FANCC: variants seen among roughly 807,000 people sequenced by gnomAD.
FANCC encodes the protein Fanconi anemia group C protein.
FANCC carries 55 observed loss-of-function variants against 71.3 expected under a neutral mutation model. The ratio of observed to expected loss-of-function variants is 0.77; its 90% CI spans 0.62 to 0.97. The LOEUF (loss-of-function observed/expected upper bound fraction) is 0.97. Ranked by LOEUF, FANCC falls within the 50% of genes least tolerant of loss-of-function variation. The pLI, the probability that FANCC is intolerant of heterozygous loss-of-function variation, is 0.00. For synonymous variants in FANCC, 275 were observed against 244.9 expected, an observed-to-expected ratio of 1.12 and a Z score of -1.15; for missense variants, 678 against 670.9, an observed-to-expected ratio of 1.01 and a Z score of -0.12.
chr9:95,255,248 T>C (rs1831588536), intron 1 of FANCC, among the ~76,000 whole-genome samples: 1 of 152,120 alleles, frequency 6.6e-6, no homozygotes, highest in Admixed American at 6.5e-5. Flanking sequence ...CTGACCCGCA[T>C]GCCTCCTGAC....
chr9:95,204,127 T>C (rs886460025), intron 4 of FANCC, among the ~76,000 whole-genome samples: 4 of 152,230 alleles, frequency 2.6e-5, no homozygotes, highest in African/African-American at 9.6e-5. Context: ...GTGTTCTTTA[T>C]AGACAAAAGG....
At chr9:95,140,936 C>A (rs527255726) in intron 7 of FANCC, among the ~76,000 whole-genome samples, 1 of 152,146 alleles carries the variant, frequency 6.6e-6, no homozygotes. Flanking sequence ...GGCAATTACA[C>A]GTCAATATAA....
chr9:95,209,932 C>T (rs1828386333), intron 4 of FANCC, among the ~76,000 whole-genome samples: 1 of 152,030 alleles, frequency 6.6e-6, no homozygotes, highest in Admixed American at 6.6e-5. Flanking sequence ...ACATGTATAC[C>T]AGGAAATATG....
At chr9:95,232,384 T>C (rs1293956974) in intron 4 of FANCC, among the ~76,000 whole-genome samples, 2 of 152,166 alleles carry the variant, frequency 1.3e-5, no homozygotes, top group African/African-American at 4.8e-5. Context: ...ACTTCAGGAT[T>C]GTGCAAAGGA....
At position 95,177,829 on chromosome 9, in the gene FANCC, C is replaced by T. The variant is rs1164127223; in HGVS notation, c.346-5682G>A. ...CATGTGGCCAGGACAGCAAATCAAGCATTCAAGCTCCAGGCAAGAGGTCTT... is the reference window on the plus strand; with the variant it reads ...CATGTGGCCAGGACAGCAAATCAAGTATTCAAGCTCCAGGCAAGAGGTCTT... On this transcript the variant is annotated intron_variant, in intron 4 of 14. Transcript: ENST00000289081. Among the ~76,000 whole-genome samples the T allele has an allele frequency of 4.6e-5, 7 of 152,270 alleles. No homozygotes were observed. In the East Asian group the frequency reaches 1.2e-3, roughly 25 times the overall value.
intron 4 of FANCC, among the ~76,000 whole-genome samples, chr9:95,208,652 A>G (rs1421002850): frequency 6.6e-6 from 1 of 152,222 alleles, no homozygotes. Context: ...GCTGCACATT[A>G]TATGTCCTCA....
intron 8 of FANCC, among the ~76,000 whole-genome samples, chr9:95,129,238 T>A (rs553235543): frequency 1.3e-5 from 2 of 152,312 alleles, no homozygotes; most frequent in East Asian, 3.9e-4. Context: ...TGACACTCTT[T>A]ATACTTTTTG....
intron 3 of FANCC, among the ~76,000 whole-genome samples, chr9:95,241,025 C>T (rs1426884843): frequency 6.6e-6 from 1 of 152,198 alleles, no homozygotes; most frequent in Non-Finnish European, 1.5e-5. Context: ...GATCACTTAA[C>T]TCTTGTGTGG....
intron 4 of FANCC, among the ~76,000 whole-genome samples, chr9:95,197,380 A>G (rs1447317671): frequency 6.6e-6 from 1 of 152,114 alleles, no homozygotes; most frequent in Non-Finnish European, 1.5e-5. Flanking sequence ...TTACAAAAAA[A>G]CTTTTTAAAT....
intron 4 of FANCC, among the ~76,000 whole-genome samples, chr9:95,236,005 T>G (rs1830300762): frequency 6.6e-6 from 1 of 152,122 alleles, no homozygotes; most frequent in Non-Finnish European, 1.5e-5. Flanking sequence ...GTCTGTTAGA[T>G]TTTTTAATTT....
At chr9:95,257,633 G>C (rs879864699) in intron 1 of FANCC, among the ~76,000 whole-genome samples, 2 of 152,056 alleles carry the variant, frequency 1.3e-5, no homozygotes, top group African/African-American at 4.8e-5. Context: ...AGAGAAGCAA[G>C]AGCAAACACA....
In FANCC at chr9:95,215,524, C is replaced by A. The variant is rs76410086; in HGVS notation, c.345+25125G>T. 2.0e-4 allele frequency among the ~76,000 whole-genome samples: 30 copies of A among 152,280 alleles called. No individual in the cohort carries two copies. The East Asian group carries it at 5.6e-3, about 28-fold the overall frequency. The stretch of plus-strand genomic sequence containing the variant: ...TTAAAGATCTTTGATACTCCTCCCC[C>A]CGAAAGGTGGGGTTTCAGATCCCTT... On this transcript the variant is annotated intron_variant, in intron 4 of 14. Coordinates refer to ENST00000289081, the MANE Select transcript of FANCC (RefSeq NM_000136.3).
chr9:95,244,849 A>G (rs1375529678), intron 3 of FANCC, among the ~76,000 whole-genome samples: 1 of 152,110 alleles, frequency 6.6e-6, no homozygotes, highest in Non-Finnish European at 1.5e-5. Context: ...GGTGGACTTT[A>G]AAGTCACATG....
intron 1 of FANCC, chr9:95,293,891 T>G: frequency 1.2e-6 from 2 of 1,602,052 alleles, no homozygotes; most frequent in Non-Finnish European, 1.7e-6. Context: ...GCAGAGACAT[T>G]TTTGAGTGTT....
At chr9:95,280,551 T>A (rs1361063631) in intron 1 of FANCC, among the ~76,000 whole-genome samples, 2 of 152,138 alleles carry the variant, frequency 1.3e-5, no homozygotes, top group Non-Finnish European at 2.9e-5. Flanking sequence ...TAAAAGAACA[T>A]TAGTAATATA....
chr9:95,102,448 A>C (rs1473755812), intron 14 of FANCC, among the ~76,000 whole-genome samples: 1 of 152,240 alleles, frequency 6.6e-6, no homozygotes, highest in Non-Finnish European at 1.5e-5. Flanking sequence ...ACTTCGGTTA[A>C]GAAAAAAGGG....
chr9:95,177,026 G>C (rs1182295193), intron 4 of FANCC, among the ~76,000 whole-genome samples: 1 of 152,204 alleles, frequency 6.6e-6, no homozygotes, highest in Non-Finnish European at 1.5e-5. Flanking sequence ...GTTTAAAATA[G>C]CCACAAATAG....
intron 1 of FANCC, among the ~76,000 whole-genome samples, chr9:95,259,407 A>C (rs1831881198): frequency 6.6e-6 from 1 of 152,254 alleles, no homozygotes; most frequent in Non-Finnish European, 1.5e-5. Context: ...CAACCATCTG[A>C]TCTTTGACAA....
intron 4 of FANCC, among the ~76,000 whole-genome samples, chr9:95,187,417 C>T (rs1588247187): frequency 6.6e-6 from 1 of 152,332 alleles, no homozygotes; most frequent in Middle Eastern, 3.4e-3. Context: ...ACTCACCTGA[C>T]GATATCATTT....
Sources: allele counts gnomAD v4.1 joint callset (sites outside exome capture counted in the v4.1 genomes callset), GRCh38; gene constraint gnomAD v4.1.1; transcripts MANE v1.5; gene names NCBI Gene and HGNC (gene_info 2026-07-23, HGNC 2026-07-21).